TEKT5: variants seen among roughly 807,000 people sequenced by gnomAD.
The protein encoded by TEKT5 is tektin 5.
In TEKT5, 52 loss-of-function variants were observed where a neutral mutation model predicts 48.7. The observed-to-expected ratio is 1.07, with a 90% confidence interval of 0.86 to 1.35. The LOEUF (loss-of-function observed/expected upper bound fraction) is 1.35, where lower values mean the gene tolerates loss of function less well. TEKT5 is among the 40% of genes most tolerant of loss of function. The pLI is 0.00. For synonymous variants in TEKT5, 318 were observed against 267.6 expected (o/e 1.19, Z -1.84); for missense variants, 831 against 641.6 (o/e 1.30, Z -3.19).
At chr16:10,691,588 C>T (rs892346052) in intron 1 of TEKT5, among the ~76,000 whole-genome samples, 2 of 151,986 alleles carry the variant, frequency 1.3e-5, no homozygotes, top group African/African-American at 4.8e-5. Flanking sequence ...ATAGAGGAAG[C>T]GAGTCTAGAG....
chr16:10,653,819 A>C (rs1898210695), intron 5 of TEKT5, among the ~76,000 whole-genome samples: 1 of 152,198 alleles, frequency 6.6e-6, no homozygotes, highest in Admixed American at 6.5e-5. Flanking sequence ...AGGCTGAGGC[A>C]GGAGAGTCAC....
chr16:10,645,854 CAT>C (rs995777713), intron 5 of TEKT5, among the ~76,000 whole-genome samples: 3 of 151,874 alleles, frequency 2.0e-5, no homozygotes, highest in African/African-American at 4.8e-5. Context: ...GTTGGCTGGC[CAT>C]AGTGTCTTAG....
At chr16:10,659,220 C>G (rs1179969021) in intron 5 of TEKT5, among the ~76,000 whole-genome samples, 1 of 152,138 alleles carries the variant, frequency 6.6e-6, no homozygotes, top group Non-Finnish European at 1.5e-5. Flanking sequence ...TGCGCACACA[C>G]GTAAAAATCA....
At chr16:10,682,911 T>C (rs1389760253) in intron 3 of TEKT5, among the ~76,000 whole-genome samples, 1 of 152,192 alleles carries the variant, frequency 6.6e-6, no homozygotes, top group Non-Finnish European at 1.5e-5. Flanking sequence ...AATCACTTTG[T>C]AAATCAATCA....
chr16:10,640,587 C>T (rs935344318), intron 5 of TEKT5, among the ~76,000 whole-genome samples: 2 of 152,158 alleles, frequency 1.3e-5, no homozygotes, highest in African/African-American at 4.8e-5. Flanking sequence ...CCATCACTCC[C>T]AAAGGTTTCT....
chr16:10,628,273 G>C (rs939812914), intron 6 of TEKT5, among the ~76,000 whole-genome samples: 2 of 152,216 alleles, frequency 1.3e-5, no homozygotes, highest in African/African-American at 2.4e-5. Context: ...AGGCAGAACA[G>C]GTAGACAAGT....
At chr16:10,651,093 G>A (rs8057467) in intron 5 of TEKT5, among the ~76,000 whole-genome samples, 39,605 of 152,006 alleles carry the variant, frequency 0.26, 5,626 homozygotes, top group Middle Eastern at 0.4. Flanking sequence ...CCAGGGGACC[G>A]TCATCCTGAG....
At chr16:10,663,183 G>A (rs1898404209) in intron 5 of TEKT5, among the ~76,000 whole-genome samples, 1 of 152,214 alleles carries the variant, frequency 6.6e-6, no homozygotes, top group Non-Finnish European at 1.5e-5. Flanking sequence ...GTGGAAAAGT[G>A]TGCTGATATT....
At chr16:10,668,906 T>A (rs995270364) in intron 5 of TEKT5, among the ~76,000 whole-genome samples, 1 of 151,572 alleles carries the variant, frequency 6.6e-6, no homozygotes, top group Admixed American at 6.6e-5. Flanking sequence ...AGTGGTGGGG[T>A]CTGAGGCTAA....
At chr16:10,665,106 A>G (rs1898436428) in intron 5 of TEKT5, among the ~76,000 whole-genome samples, 1 of 152,178 alleles carries the variant, frequency 6.6e-6, no homozygotes, top group Non-Finnish European at 1.5e-5. Context: ...GGGAGGCTGG[A>G]CCAAGGAGGA....
In TEKT5 at chr16:10,676,085, C is replaced by T. The variant is rs541597767; in HGVS notation, c.960G>A (p.Ala320=). The change falls in exon 5 of 7, where the codon GCG becomes GCA. Residue 320 remains alanine (A), a synonymous_variant. Coordinates refer to ENST00000283025, the MANE Select transcript of TEKT5 (RefSeq NM_144674.2). ...CCGACAAGGTCTCAAAGAGGTGCTC[C>T]GCCTCCTCCCGCAGCTGGATGGAGT... ...RANSIQLREE[A]EHLFETLSDQ... 14 of 1,614,198 alleles carry T rather than the reference C, an allele frequency of 8.7e-6. No individual in the cohort carries two copies. The highest frequency in any genetic ancestry group is 6.7e-5 in the African/African-American group (5 of 75,050).
chr16:10,670,055 A>C (rs1257197202), intron 5 of TEKT5, among the ~76,000 whole-genome samples: 3 of 152,224 alleles, frequency 2.0e-5, no homozygotes, highest in African/African-American at 4.8e-5. Flanking sequence ...GCACAGCCCC[A>C]AACCACTGTC....
rs571412956 is a variant in TEKT5, at chr16:10,665,724, C to G, written c.1086+10235G>C. On this transcript the variant is annotated intron_variant, in intron 5 of 6. Coordinates refer to ENST00000283025, the MANE Select transcript of TEKT5 (RefSeq NM_144674.2). Reference sequence around the variant, plus strand: ...ACCCCTCATGCTGGGTCCATCCAGGCACACACCACCCACGTACTATGATGA... The same window carrying G: ...ACCCCTCATGCTGGGTCCATCCAGGGACACACCACCCACGTACTATGATGA... Among the ~76,000 whole-genome samples, 182 of 152,310 alleles carry G rather than the reference C, an allele frequency of 1.2e-3. 1 individual carries two copies. The highest frequency in any genetic ancestry group is 6.8e-4 in the Non-Finnish European group (46 of 68,030).
At chr16:10,690,104 T>G in intron 1 of TEKT5, 79 bp from the exon 2 acceptor site, 2 of 1,473,784 alleles carry the variant, frequency 1.4e-6, no homozygotes, top group South Asian at 1.2e-5. Context: ...ACATCCACCC[T>G]TGCCACAATC....
chr16:10,648,842 G>C (rs1765458417), intron 5 of TEKT5, among the ~76,000 whole-genome samples: 1 of 152,232 alleles, frequency 6.6e-6, no homozygotes, highest in South Asian at 2.1e-4. Flanking sequence ...GCATTTGAAT[G>C]GTTGGCTCTG....
intron 2 of TEKT5, 94 bp downstream of exon 2, chr16:10,689,848 G>T: frequency 8.1e-7 from 1 of 1,238,238 alleles, no homozygotes; most frequent in Non-Finnish European, 1.2e-6. Context: ...GACACGTGTG[G>T]CTTCTGCTCC....
intron 5 of TEKT5, among the ~76,000 whole-genome samples, chr16:10,644,788 C>T (rs1028973706): frequency 1.3e-5 from 2 of 152,172 alleles, no homozygotes; most frequent in African/African-American, 4.8e-5. Flanking sequence ...ATTTGAATTT[C>T]ATATAAACAA....
intron 4 of TEKT5, among the ~76,000 whole-genome samples, chr16:10,680,019 G>A (rs1286329183): frequency 6.6e-6 from 1 of 152,216 alleles, no homozygotes; most frequent in Non-Finnish European, 1.5e-5. Context: ...TCTCCAGATG[G>A]GGGACTTTAA....
At chr16:10,645,913 C>T (rs913749289) in intron 5 of TEKT5, among the ~76,000 whole-genome samples, 1 of 151,974 alleles carries the variant, frequency 6.6e-6, no homozygotes, top group African/African-American at 2.4e-5. Context: ...GGGAGGATCG[C>T]TTGAGCCAAG....
Sources: gnomAD v4.1 joint callset for allele counts (sites outside exome capture counted in the v4.1 genomes callset) on GRCh38, gnomAD v4.1.1 for gene constraint, MANE v1.5 for transcripts, NCBI Gene and HGNC (gene_info 2026-07-23, HGNC 2026-07-21) for gene names.